Variants in DGKB observed in about 807,000 individuals in gnomAD.
DGKB encodes diacylglycerol kinase beta.
DGKB carries 67 observed loss-of-function variants against 114.3 expected under a neutral mutation model. The observed-to-expected ratio is 0.59, with a 90% CI of 0.48 to 0.72. The LOEUF is 0.72. Among genes scored for constraint, DGKB ranks in the 30% least tolerant of loss-of-function variants. The pLI, the probability that DGKB is intolerant of heterozygous loss-of-function variation, is 0.00. For synonymous variants in DGKB, 398 were observed against 323.1 expected (o/e 1.23, Z -2.49); for missense variants, 907 against 975.2 (o/e 0.93, Z 0.93).
chr7:14,822,307 TAA>T, intron 2 of DGKB, among the ~76,000 whole-genome samples: 1 of 152,220 alleles, frequency 6.6e-6, no homozygotes. Context: ...AAATGAAAGT[TAA>T]GTTTTAAAAG....
chr7:14,865,774 C>T (rs959489986), intron 1 of DGKB, among the ~76,000 whole-genome samples: 21 of 151,936 alleles, frequency 1.4e-4, no homozygotes, highest in African/African-American at 4.6e-4. Context: ...ATAATTACTC[C>T]GAAAGCACGT....
intron 20 of DGKB, among the ~76,000 whole-genome samples, chr7:14,496,713 T>G: frequency 6.6e-6 from 1 of 151,882 alleles, no homozygotes; most frequent in South Asian, 2.1e-4. Context: ...GCAGAAACAT[T>G]ATTCTAAAGT....
At chr7:14,283,631 A>G (rs1253309599) in intron 23 of DGKB, among the ~76,000 whole-genome samples, 1 of 150,686 alleles carries the variant, frequency 6.6e-6, no homozygotes, top group African/African-American at 2.5e-5. Context: ...AGGCTACAGT[A>G]ACCAAAACAG....
chr7:14,827,689 C>T (rs1023162070), intron 2 of DGKB, among the ~76,000 whole-genome samples: 4 of 151,892 alleles, frequency 2.6e-5, no homozygotes, highest in Admixed American at 1.3e-4. Context: ...AATGTGGAGA[C>T]GCCTTATGGA....
chr7:14,460,230 T>A (rs1373479967), intron 21 of DGKB, among the ~76,000 whole-genome samples: 1 of 152,028 alleles, frequency 6.6e-6, no homozygotes, highest in Non-Finnish European at 1.5e-5. Flanking sequence ...CATGACAGGA[T>A]CAAATTCACA....
intron 2 of DGKB, among the ~76,000 whole-genome samples, chr7:14,774,261 A>G (rs578085944): frequency 6.6e-6 from 1 of 152,352 alleles, no homozygotes; most frequent in East Asian, 1.9e-4. Flanking sequence ...AAAGCTATCT[A>G]AATAAAGAAT....
chr7:14,223,376 GAT>G (rs1790293462), intron 23 of DGKB, among the ~76,000 whole-genome samples: 1 of 151,600 alleles, frequency 6.6e-6, no homozygotes. Context: ...ATTCCAGTGA[GAT>G]ATAGAACTGC....
chr7:14,802,085 T>C (rs1842251300), intron 2 of DGKB, among the ~76,000 whole-genome samples: 1 of 152,106 alleles, frequency 6.6e-6, no homozygotes, highest in African/African-American at 2.4e-5. Context: ...ATATTACGAT[T>C]GCTGTCCAAG....
intron 17 of DGKB, among the ~76,000 whole-genome samples, chr7:14,603,729 C>A (rs191970036): frequency 6.6e-6 from 1 of 152,052 alleles, no homozygotes; most frequent in Non-Finnish European, 1.5e-5. Flanking sequence ...CTTTCTCACA[C>A]ACAATTAATT....
intron 13 of DGKB, among the ~76,000 whole-genome samples, chr7:14,669,201 G>C (rs1448015049): frequency 6.6e-6 from 1 of 152,136 alleles, no homozygotes; most frequent in African/African-American, 2.4e-5. Context: ...TACACAGATT[G>C]TTCCTTTTAA....
chr7:14,507,840 G>C (rs931587780), intron 20 of DGKB, among the ~76,000 whole-genome samples: 3 of 152,182 alleles, frequency 2.0e-5, no homozygotes, highest in Non-Finnish European at 4.4e-5. Flanking sequence ...TCAACTGTGG[G>C]TACTGATGGC....
chr7:14,915,869 T>A (rs1392919658), intron 1 of DGKB, among the ~76,000 whole-genome samples: 1 of 152,076 alleles, frequency 6.6e-6, no homozygotes, highest in Non-Finnish European at 1.5e-5. Context: ...AAATATATAG[T>A]TCAGAAATTT....
chr7:14,289,485 C>G (rs1454945179), intron 23 of DGKB, among the ~76,000 whole-genome samples: 3 of 152,058 alleles, frequency 2.0e-5, no homozygotes, highest in Non-Finnish European at 4.4e-5. Context: ...AAAAAATAAG[C>G]ATAACATTTA....
At chr7:14,421,250 G>A (rs866504216) in intron 21 of DGKB, among the ~76,000 whole-genome samples, 64 of 152,148 alleles carry the variant, frequency 4.2e-4, no homozygotes, top group African/African-American at 1.5e-3. Flanking sequence ...GTTGCCTTTT[G>A]TGTCAATAAA....
chr7:14,729,591 A>G (rs1195617631), intron 5 of DGKB, among the ~76,000 whole-genome samples: 1 of 152,134 alleles, frequency 6.6e-6, no homozygotes, highest in Non-Finnish European at 1.5e-5. Flanking sequence ...CTCCTTTCAC[A>G]TCCTTTCCCA....
chr7:14,183,044 C>T (rs550803980), intron 23 of DGKB, among the ~76,000 whole-genome samples: 111 of 152,238 alleles, frequency 7.3e-4, no homozygotes, highest in African/African-American at 2.6e-3. Context: ...ACATAAATTG[C>T]TAATTATAAT....
chr7:14,345,409 G>A lies in DGKB; in HGVS notation c.1836-18C>T, dbSNP rs1316504569. ...TCTTCATTCTGAAAAAGAAAAGGAA[G>A]AAGCACCTTAGGCAATTATCAATAA... On this transcript the variant is annotated intron_variant, in intron 21 of 25. Transcript: ENST00000402815. The A allele has an allele frequency of 1.5e-6, 2 of 1,356,934 alleles. No individual in the cohort carries two copies. Among genetic ancestry groups the A allele is most frequent in the East Asian group, 2.5e-5 (1 of 39,862 alleles). The allele number at this position is 1,356,934 out of a possible 1,614,324, so 84.1% of individuals were successfully genotyped here.
At chr7:14,716,374 T>C (rs924105317) in intron 6 of DGKB, among the ~76,000 whole-genome samples, 5 of 152,202 alleles carry the variant, frequency 3.3e-5, no homozygotes, top group African/African-American at 9.6e-5. Flanking sequence ...CTAAATCAAA[T>C]TTCTTTCTGC....
At chr7:14,792,406 T>G (rs184780780) in intron 2 of DGKB, among the ~76,000 whole-genome samples, 1 of 152,112 alleles carries the variant, frequency 6.6e-6, no homozygotes, top group Non-Finnish European at 1.5e-5. Context: ...ATAGATAATA[T>G]CTCTTGGAAG....
Sources: gnomAD v4.1 joint callset for allele counts (sites outside exome capture counted in the v4.1 genomes callset) on GRCh38, gnomAD v4.1.1 for gene constraint, MANE v1.5 for transcripts, NCBI Gene and HGNC (gene_info 2026-07-23, HGNC 2026-07-21) for gene names.